Variants in KMT2D observed in about 807,000 individuals in gnomAD.
KMT2D encodes lysine methyltransferase 2D, also known as histone-lysine N-methyltransferase 2D.
In KMT2D, 55 loss-of-function variants were observed where a neutral mutation model predicts 512.7. That is an observed-to-expected ratio of 0.11 (90% CI 0.09 to 0.13). The LOEUF (loss-of-function observed/expected upper bound fraction) is 0.13, where lower values mean the gene tolerates loss of function less well. KMT2D is among the 10% of genes least tolerant of loss of function. KMT2D has a pLI of 1.00. For synonymous variants in KMT2D, 2,995 were observed against 2,904.0 expected (o/e 1.03, Z -1.01); for missense variants, 6,061 against 7,127.9 (o/e 0.85, Z 5.39).
rs2137704587 is a variant in KMT2D at position 49,022,247 on chromosome 12, C to A, written c.16412+33G>T. 1 of 1,587,156 alleles carries A rather than the reference C, an allele frequency of 6.3e-7. No homozygotes were observed. The highest frequency in any genetic ancestry group is 1.7e-5 in the Admixed American group (1 of 58,804). On this transcript the variant is annotated intron_variant, in intron 53 of 54. Transcript: ENST00000301067. The surrounding 1 kb of genome is among the most constrained non-coding windows in gnomAD (Gnocchi z 8.6). ...TCCCCCAGAGTGCCACTCTCAGGGA[C>A]CACTAAATCCCTCCTTCCTCGTCAT...
rs566082432 is a variant in KMT2D, at chr12:49,044,059, G to T, written c.5189-61C>A. On this transcript the variant is annotated intron_variant, in intron 22 of 54. Coordinates refer to ENST00000301067, the MANE Select transcript of KMT2D (RefSeq NM_003482.4). This position sits in a 1 kb window ranked among gnomAD's most constrained non-coding sequence, Gnocchi z 6.4. Reference sequence around the variant, plus strand: ...GAGCATGCTGCTCCCAACTTGCAGGGTGACACTTTGTGCCTACTCTCTCCC... The same window carrying T: ...GAGCATGCTGCTCCCAACTTGCAGGTTGACACTTTGTGCCTACTCTCTCCC... The T allele has an allele frequency of 8.7e-6, 14 of 1,606,124 alleles. No individual in the cohort carries two copies. The Middle Eastern group carries it at 5.7e-4, about 65-fold the overall frequency.
rs763699658 is a variant in KMT2D at position 49,054,642 on chromosome 12, C to G, written c.286G>C (p.Val96Leu). 3.1e-6 allele frequency: 5 copies of G among 1,612,966 alleles called. No homozygotes were observed. Among genetic ancestry groups the G allele is most frequent in the Non-Finnish European group, 3.4e-6 (4 of 1,179,478 alleles). ...ELPFDWPRCP[V>L]VSPGGSPGPN... ...CCTGGGCTCCCCCCAGGGGACACCA[C>G]TGGACACCGGGGCCAATCAAATGGC... Residue 96 changes from valine (V) to leucine (L), a missense_variant, in exon 4 of 55, where the codon GTG (valine) becomes CTG (leucine). Transcript: ENST00000301067. This position sits in a 1 kb window ranked among gnomAD's most constrained non-coding sequence, Gnocchi z 6.4.
At chr12:49,023,099 C>G (rs1050483216) in intron 51 of KMT2D, among the ~76,000 whole-genome samples, 9 of 152,084 alleles carry the variant, frequency 5.9e-5, no homozygotes, top group Non-Finnish European at 4.4e-5. Context: ...CTGGGTGGCA[C>G]AGAGAGCCCA....
rs1942496325 is a variant in KMT2D, at chr12:49,024,835, T to C, written c.15896A>G (p.His5299Arg). 1.2e-6 allele frequency: 2 copies of C among 1,612,834 alleles called. No homozygotes were observed. Among genetic ancestry groups the C allele is most frequent in the Admixed American group, 1.7e-5 (1 of 59,854 alleles). Residue 5299 changes from histidine to arginine, a missense_variant, in exon 50 of 55, where the codon CAT becomes CGT. His to Arg is a conservative substitution (Grantham distance 29). Coordinates refer to ENST00000301067, the MANE Select transcript of KMT2D (RefSeq NM_003482.4). The surrounding 1 kb of genome is among the most constrained non-coding windows in gnomAD (Gnocchi z 4.5). ...TGATTCAGCTATGCGAAGCACGGCA[T>C]GCACCGTCAGCCCAAAGAGCTCCTC... ...KGEELFGLTV[H>R]AVLRIAESLP...
In KMT2D at chr12:49,044,138, T is replaced by C; in HGVS notation, c.5188+62A>G. 1.3e-6 allele frequency: 2 copies of C among 1,589,818 alleles called. No homozygotes were observed. Among genetic ancestry groups the C allele is most frequent in the Non-Finnish European group, 1.7e-6 (2 of 1,165,810 alleles). On this transcript the variant is annotated intron_variant, in intron 22 of 54. Coordinates refer to ENST00000301067, the MANE Select transcript of KMT2D (RefSeq NM_003482.4). This position sits in a 1 kb window ranked among gnomAD's most constrained non-coding sequence, Gnocchi z 6.4. ...TGGCCCTTTCAATGAGTCCACCCCC[T>C]GGGTCTCTCTAGCATTGCCCCACCT...
chr12:49,047,088 C>T (rs1194998247), intron 15 of KMT2D, among the ~76,000 whole-genome samples: 1 of 152,122 alleles, frequency 6.6e-6, no homozygotes, highest in Non-Finnish European at 1.5e-5. Context: ...TTAGGTGATC[C>T]ACCCGCCTCA....
At chr12:49,030,526 C>G in intron 42 of KMT2D, 75 bp downstream of exon 42, 1 of 1,482,812 alleles carries the variant, frequency 6.7e-7, no homozygotes, top group African/African-American at 1.4e-5. Flanking sequence ...TCAGCAATTC[C>G]CTCAAGTTTT....
chr12:49,039,750 G>C lies in KMT2D; in HGVS notation c.8020C>G (p.Gln2674Glu), dbSNP rs1943402132. The C allele has an allele frequency of 1.9e-6, 3 of 1,613,544 alleles. No individual in the cohort carries two copies. Among genetic ancestry groups the C allele is most frequent in the Non-Finnish European group, 2.5e-6 (3 of 1,179,850 alleles). Residue 2674 changes from glutamine to glutamate, a missense_variant, in exon 32 of 55, where the codon CAA (glutamine) becomes GAA (glutamate). Coordinates refer to ENST00000301067, the MANE Select transcript of KMT2D (RefSeq NM_003482.4). The surrounding 1 kb of genome is among the most constrained non-coding windows in gnomAD (Gnocchi z 5.0). ...TQDPGMSGLS[Q>E]TELEKQRQRQ... ...TGCCGTTGCTTCTCCAGCTCTGTTT[G>C]GCTAAGGCCGGACATGCCTGGGTCC...
At chr12:49,036,933 A>G (rs1565784519) in intron 35 of KMT2D, among the ~76,000 whole-genome samples, 192 bp downstream of exon 35, 1 of 152,192 alleles carries the variant, frequency 6.6e-6, no homozygotes, top group Non-Finnish European at 1.5e-5. Flanking sequence ...CATGCCTACT[A>G]TATGCCAGGA....
In KMT2D at chr12:49,054,000, G is replaced by A. The variant is rs2120703102; in HGVS notation, c.651C>T (p.His217=). 3.1e-6 allele frequency: 5 copies of A among 1,613,832 alleles called. No individual in the cohort carries two copies. The highest frequency in any genetic ancestry group is 1.3e-5 in the African/African-American group (1 of 75,034). Reference sequence around the variant, plus strand: ...CACCCAGATATGCAGCCCCCTCACTGTGCTCTGGGCATAGCAGCTGCAGTG... The same window carrying A: ...CACCCAGATATGCAGCCCCCTCACTATGCTCTGGGCATAGCAGCTGCAGTG... ...MKTLQLLCPE[H]SEGAAYLEEA... is the part of the protein sequence containing the mutation. Residue 217 remains histidine, a synonymous_variant, in exon 6 of 55, where the codon CAC becomes CAT. Transcript: ENST00000301067.
Position 49,052,952 on chromosome 12 carries a change from G to C in KMT2D, c.1075C>G (p.Arg359Gly), listed in dbSNP as rs372085797. 5.0e-6 allele frequency: 8 copies of C among 1,613,972 alleles called. No individual in the cohort carries two copies. The highest frequency in any genetic ancestry group is 6.8e-6 in the Non-Finnish European group (8 of 1,179,862). ...CHKAQGGQTI[R>G]SVAEQHTPVC... ...GGGGTATGCTGCTCAGCAACGGAGCGGATAGTCTGACCTCCCTGGGCTTTG... is the reference window on the plus strand; with the variant it reads ...GGGGTATGCTGCTCAGCAACGGAGCCGATAGTCTGACCTCCCTGGGCTTTG... Residue 359 changes from arginine to glycine, a missense_variant, in exon 9 of 55, where the codon CGC becomes GGC. Arg to Gly is a moderately radical substitution (Grantham distance 125, BLOSUM62 -2). This residue lies in a region of KMT2D where 848 missense variants were observed against 838.5 expected (regional missense o/e 1.01). Transcript: ENST00000301067.
At chr12:49,043,494 G>T in intron 24 of KMT2D, 66 bp from the exon 25 acceptor site, 1 of 1,597,212 alleles carries the variant, frequency 6.3e-7, no homozygotes, top group Non-Finnish European at 8.6e-7. Context: ...CAGGTCTCCA[G>T]TCCCACAGCC....
chr12:49,027,983 C>T, intron 47 of KMT2D, 26 bp downstream of exon 47: 1 of 1,613,458 alleles, frequency 6.2e-7, no homozygotes, highest in Non-Finnish European at 8.5e-7. Context: ...CCCTCAAGTC[C>T]CAAAGGGCTT....
Position 49,028,195 on chromosome 12 carries a change from G to A in KMT2D, c.14383-54C>T, listed in dbSNP as rs1015896178. On this transcript the variant is annotated intron_variant, in intron 46 of 54. Transcript: ENST00000301067. ...AACATATCAGCCAAGTGTCTGAGGTGAGCTCTACTACCAGCTGGGTGGGGA... is the reference window on the plus strand; with the variant it reads ...AACATATCAGCCAAGTGTCTGAGGTAAGCTCTACTACCAGCTGGGTGGGGA... 8 of 1,610,062 alleles carry A rather than the reference G, an allele frequency of 5.0e-6. No homozygotes were observed. In the East Asian group the frequency reaches 8.9e-5, roughly 18 times the overall value.
Position 49,041,935 on chromosome 12 carries a change from A to G in KMT2D, c.6165T>C (p.Ala2055=), listed in dbSNP as rs751812316. 1.3e-5 allele frequency: 21 copies of G among 1,608,548 alleles called. No homozygotes were observed. The South Asian group carries it at 1.9e-4, about 14-fold the overall frequency. ...IMKLWRKVPA[A]DKAPYLQKAK... is the part of the protein sequence containing the mutation. ...GCCTCACCAGGTAGGGGGCTTTGTC[A>G]GCTGCTGGAACCTTTCTCCAGAGCT... The change falls in exon 30 of 55, where the codon GCT becomes GCC. Residue 2055 remains alanine (A), a synonymous_variant. Transcript: ENST00000301067. This position sits in a 1 kb window ranked among gnomAD's most constrained non-coding sequence, Gnocchi z 5.4.
rs1943448416 is a variant in KMT2D, at chr12:49,040,322, G to C, written c.7448C>G (p.Ser2483Cys). The change falls in exon 32 of 55, where the codon TCT becomes TGT. Residue 2483 changes from serine to cysteine, a missense_variant. Physicochemically the swap from Ser to Cys is moderately radical, Grantham distance 112. Around this residue, in one of 16 missense-constraint regions of KMT2D, gnomAD observed 710 missense variants for 647.3 expected, o/e 1.10. Coordinates refer to ENST00000301067, the MANE Select transcript of KMT2D (RefSeq NM_003482.4). ...QPPEVAFKAG[S>C]LAHTSLGAGG... ...AGCCCCCAGCGAAGTGTGGGCTAGA[G>C]ACCCAGCCTTAAAGGCAACTTCAGG... is the stretch of plus-strand genomic sequence containing the variant. The C allele has an allele frequency of 6.3e-7, 1 of 1,578,064 alleles. No homozygotes were observed. Among genetic ancestry groups the C allele is most frequent in the Non-Finnish European group, 8.6e-7 (1 of 1,162,020 alleles).
rs756768429 is a variant in KMT2D, at chr12:49,024,787, C to T, written c.15921+23G>A. On this transcript the variant is annotated intron_variant, in intron 50 of 54. Coordinates refer to ENST00000301067, the MANE Select transcript of KMT2D (RefSeq NM_003482.4). This position sits in a 1 kb window ranked among gnomAD's most constrained non-coding sequence, Gnocchi z 4.5. ...AAGTTCTCAGTGCCCGCCAAGCCCCCCAGCTCCCAGCCCCTTCCTTACTGA... is the reference window on the plus strand; with the variant it reads ...AAGTTCTCAGTGCCCGCCAAGCCCCTCAGCTCCCAGCCCCTTCCTTACTGA... 3.7e-6 allele frequency: 6 copies of T among 1,610,164 alleles called. No homozygotes were observed. Among genetic ancestry groups the T allele is most frequent in the South Asian group, 3.3e-5 (3 of 90,804 alleles).
chr12:49,038,606 G>A lies in KMT2D; in HGVS notation c.8750C>T (p.Ala2917Val). 6.2e-7 allele frequency: 1 copy of A among 1,612,896 alleles called. No homozygotes were observed. The highest frequency in any genetic ancestry group is 1.7e-5 in the Admixed American group (1 of 60,022). The change falls in exon 35 of 55, where the codon GCT (alanine) becomes GTT (valine). Residue 2917 changes from alanine to valine, a missense_variant. Around this residue, in one of 16 missense-constraint regions of KMT2D, gnomAD observed 527 missense variants for 578.9 expected, o/e 0.91. Coordinates refer to ENST00000301067, the MANE Select transcript of KMT2D (RefSeq NM_003482.4). The surrounding 1 kb of genome is among the most constrained non-coding windows in gnomAD (Gnocchi z 5.7). Reference protein sequence around the residue: ...YPVSEDPHRLAPEGLRGLAVS... With the variant: ...YPVSEDPHRLVPEGLRGLAVS... ...CGCCAGGCCCCGAAGCCCTTCAGGAGCCAGTCGGTGGGGGTCCTCACTTAC... is the reference window on the plus strand; with the variant it reads ...CGCCAGGCCCCGAAGCCCTTCAGGAACCAGTCGGTGGGGGTCCTCACTTAC...
Position 49,033,159 on chromosome 12 carries a change from C to G in KMT2D, c.11546G>C (p.Gly3849Ala). Residue 3849 changes from glycine (G) to alanine (A), a missense_variant, in exon 40 of 55, where the codon GGA becomes GCA. Coordinates refer to ENST00000301067, the MANE Select transcript of KMT2D (RefSeq NM_003482.4). The stretch of plus-strand genomic sequence containing the variant: ...CTGCTGGGCTGTGACCAGCCTGTGT[C>G]CCATAAGGCCCTGACCCTGCTGTGC... ...QLAQQGQGLM[G>A]HRLVTAQQQQ... 6.4e-7 allele frequency: 1 copy of G among 1,550,548 alleles called. No individual in the cohort carries two copies. Among genetic ancestry groups the G allele is most frequent in the African/African-American group, 1.4e-5 (1 of 73,018 alleles).
Sources: gnomAD v4.1 joint callset for allele counts (sites outside exome capture counted in the v4.1 genomes callset) on GRCh38, gnomAD v4.1.1 for gene constraint, gnomAD v4.1.1 regional missense constraint, Gnocchi (gnomAD v3.1) non-coding constraint, MANE v1.5 for transcripts, NCBI Gene and HGNC (gene_info 2026-07-23, HGNC 2026-07-21) for gene names.